EYS: variants seen among roughly 807,000 people sequenced by gnomAD.
EYS encodes the protein protein eyes shut homolog.
Under a neutral mutation model 282.1 loss-of-function variants are expected in EYS, and 250 were observed. The observed-to-expected ratio is 0.89, with a 90% CI of 0.80 to 0.98. The LOEUF (loss-of-function observed/expected upper bound fraction) is 0.98, where lower values mean the gene tolerates loss of function less well. EYS is among the 50% of genes least tolerant of loss of function. EYS has a pLI of 0.00. For synonymous variants in EYS, 1,355 were observed against 1,282.9 expected (o/e 1.06, Z -1.20); for missense variants, 4,016 against 3,709.0 (o/e 1.08, Z -2.15).
intron 12 of EYS, among the ~76,000 whole-genome samples, chr6:65,202,393 T>A (rs1562019814): frequency 6.6e-6 from 1 of 152,170 alleles, no homozygotes; most frequent in Non-Finnish European, 1.5e-5. Flanking sequence ...CTTGTCTAGC[T>A]GTTTGTGAAA....
intron 19 of EYS, among the ~76,000 whole-genome samples, chr6:64,839,880 C>T (rs945813068): frequency 6.6e-6 from 1 of 151,964 alleles, no homozygotes; most frequent in South Asian, 2.1e-4. Flanking sequence ...GGGAAGAGCC[C>T]TCATGATTTA....
At chr6:65,608,109 A>T (rs970475344) in intron 2 of EYS, among the ~76,000 whole-genome samples, 7 of 151,992 alleles carry the variant, frequency 4.6e-5, no homozygotes, top group Admixed American at 2.0e-4. Context: ...GAAATGTATC[A>T]TTAGGCAATT....
chr6:64,381,674 C>T (rs1308468992), intron 29 of EYS, among the ~76,000 whole-genome samples: 1 of 152,108 alleles, frequency 6.6e-6, no homozygotes, highest in African/African-American at 2.4e-5. Flanking sequence ...CTTATATATA[C>T]ATCAAAGAAT....
chr6:65,406,825 G>A (rs1308929074), intron 5 of EYS, among the ~76,000 whole-genome samples: 1 of 151,862 alleles, frequency 6.6e-6, no homozygotes, highest in East Asian at 1.9e-4. Context: ...CTTTTTATGT[G>A]CAATAACCCA....
At chr6:64,700,786 G>C (rs138107216) in intron 22 of EYS, among the ~76,000 whole-genome samples, 3 of 151,856 alleles carry the variant, frequency 2.0e-5, no homozygotes, top group South Asian at 4.2e-4. Flanking sequence ...TGTTGTTAAC[G>C]TGGCCACACT....
chr6:65,107,700 G>C (rs1046452286), intron 12 of EYS, among the ~76,000 whole-genome samples: 1 of 150,948 alleles, frequency 6.6e-6, no homozygotes, highest in Non-Finnish European at 1.5e-5. Context: ...GTTTGGTTTT[G>C]TTTTGTTTTC....
intron 22 of EYS, among the ~76,000 whole-genome samples, chr6:64,667,165 A>C (rs972726877): frequency 6.7e-6 from 1 of 149,524 alleles, no homozygotes; most frequent in East Asian, 1.9e-4. Context: ...CAGAGAACTT[A>C]TTAAATATTT....
chr6:64,044,118 A>C (rs997280902), intron 33 of EYS, among the ~76,000 whole-genome samples: 1 of 152,196 alleles, frequency 6.6e-6, no homozygotes, highest in Non-Finnish European at 1.5e-5. Flanking sequence ...TATCTTTTGA[A>C]AATAGGATTC....
At chr6:64,397,805 C>A (rs1773425611) in intron 28 of EYS, among the ~76,000 whole-genome samples, 1 of 151,984 alleles carries the variant, frequency 6.6e-6, no homozygotes, top group East Asian at 1.9e-4. Context: ...TTTCTCTGTG[C>A]TTTATTTACT....
chr6:65,338,533 C>T (rs771068302), intron 10 of EYS, among the ~76,000 whole-genome samples: 16 of 151,088 alleles, frequency 1.1e-4, no homozygotes, highest in Non-Finnish European at 2.2e-4. Flanking sequence ...GCAACCCTAA[C>T]TCCTGTATTT....
At chr6:65,560,811 C>T (rs9363395) in intron 2 of EYS, among the ~76,000 whole-genome samples, 26,364 of 151,746 alleles carry the variant, frequency 0.17, 2,852 homozygotes, top group Middle Eastern at 0.34. Flanking sequence ...TATACTGGTC[C>T]CATACACAGT....
Position 65,209,469 on chromosome 6 carries a change from C to T in EYS, c.2023+86394G>A, listed in dbSNP as rs534278583. ...CCCACTTAATATAGAGTAATATAAA[C>T]ACAACAAGGAATGTTTATTTTCATA... On this transcript the variant is annotated intron_variant, in intron 12 of 42. Coordinates refer to ENST00000503581, the MANE Select transcript of EYS (RefSeq NM_001142800.2). Among the ~76,000 whole-genome samples, 24 of 151,894 alleles carry T rather than the reference C, an allele frequency of 1.6e-4. 1 individual carries two copies. The South Asian group carries it at 5.0e-3, about 31-fold the overall frequency.
intron 26 of EYS, among the ~76,000 whole-genome samples, chr6:64,578,544 A>T (rs1765956019): frequency 6.6e-6 from 1 of 151,710 alleles, no homozygotes. Context: ...GTGACACCCC[A>T]CACTTGTTCT....
intron 11 of EYS, among the ~76,000 whole-genome samples, chr6:65,322,333 G>T (rs17412215): frequency 0.43 from 64,893 of 151,938 alleles, 14,935 homozygotes; most frequent in African/African-American, 0.58. Context: ...CGTCATTTTG[G>T]AAACACAGGT....
intron 29 of EYS, among the ~76,000 whole-genome samples, chr6:64,344,806 T>A (rs1771304168): frequency 6.6e-6 from 1 of 152,122 alleles, no homozygotes; most frequent in South Asian, 2.1e-4. Context: ...AACCCCATGG[T>A]CTCAGCCCAA....
At chr6:64,544,424 C>T (rs1443372837) in intron 26 of EYS, among the ~76,000 whole-genome samples, 1 of 152,088 alleles carries the variant, frequency 6.6e-6, no homozygotes. Flanking sequence ...ATATTAGGAA[C>T]TGCAGGAAAC....
chr6:65,058,730 G>C (rs1773487029), intron 12 of EYS, among the ~76,000 whole-genome samples: 1 of 150,536 alleles, frequency 6.6e-6, no homozygotes, highest in Non-Finnish European at 1.5e-5. Context: ...TGCTAAAGCT[G>C]ACCTTTCTTA....
At chr6:64,603,193 T>A (rs1766816013) in intron 24 of EYS, among the ~76,000 whole-genome samples, 1 of 152,062 alleles carries the variant, frequency 6.6e-6, no homozygotes. Flanking sequence ...AAAAAGTGCT[T>A]ACAGGACAAA....
intron 4 of EYS, among the ~76,000 whole-genome samples, chr6:65,492,966 G>A (rs961849326): frequency 2.6e-5 from 4 of 152,024 alleles, no homozygotes; most frequent in Admixed American, 1.3e-4. Context: ...GCCCAGGCTG[G>A]AGTGCAATGG....
Sources: allele counts gnomAD v4.1 joint callset (sites outside exome capture counted in the v4.1 genomes callset), GRCh38; gene constraint gnomAD v4.1.1; transcripts MANE v1.5; gene names NCBI Gene and HGNC (gene_info 2026-07-23, HGNC 2026-07-21).